The following DPH6 variants were observed in gnomAD, a reference collection of about 807,000 sequenced individuals.
DPH6 encodes diphthine--ammonia ligase.
DPH6 carries 33 observed loss-of-function variants against 38.2 expected under a neutral mutation model. The ratio of observed to expected loss-of-function variants is 0.86; its 90% confidence interval spans 0.65 to 1.15. The LOEUF (loss-of-function observed/expected upper bound fraction) is 1.15, where lower values mean the gene tolerates loss of function less well. Ranked by LOEUF, DPH6 falls within the 50% of genes most tolerant of loss-of-function variation. DPH6 has a pLI of 0.00. For synonymous variants in DPH6, 108 were observed against 103.0 expected (o/e 1.05, Z -0.30); for missense variants, 325 against 320.0 (o/e 1.02, Z -0.12).
rs1595396417 is a variant in DPH6 at position 35,475,224 on chromosome 15, T to C, written c.313-20404A>G. Among the ~76,000 whole-genome samples the C allele has an allele frequency of 2.0e-5, 3 of 152,222 alleles. No homozygotes were observed. The East Asian group carries it at 5.8e-4, about 29-fold the overall frequency. ...GATGGTCTTTTATAGGTCTTACTTATTTCCATGTATTAAACTGCATGTATA... is the reference window on the plus strand; with the variant it reads ...GATGGTCTTTTATAGGTCTTACTTACTTCCATGTATTAAACTGCATGTATA... On this transcript the variant is annotated intron_variant, in intron 3 of 8. Coordinates refer to ENST00000256538, the MANE Select transcript of DPH6 (RefSeq NM_080650.4).
At position 35,242,381 on chromosome 15, in the gene DPH6, T is replaced by C. The variant is rs1243674785; in HGVS notation, n.201-21799A>G. 1.4e-5 allele frequency among the ~76,000 whole-genome samples: 2 copies of C among 142,560 alleles called. 1 individual carries two copies. The highest frequency in any genetic ancestry group is 5.1e-5 in the African/African-American group (2 of 38,980). The allele number at this position is 142,560 out of a possible 152,430, so 93.5% of individuals were successfully genotyped here. The stretch of plus-strand genomic sequence containing the variant: ...CCTATAGCCTTTCTGTCCAAACAAC[T>C]TGACCTTACTGTTTTAGCCTAGCCC... On this transcript the variant is annotated intron_variant and non_coding_transcript_variant, in intron 3 of 3. Coordinates refer to the DPH6 transcript ENST00000560386.
the DPH6 span, among the ~76,000 whole-genome samples, chr15:35,168,960 A>G: frequency 3.3e-5 from 5 of 152,086 alleles, no homozygotes; most frequent in African/African-American, 4.8e-5. Context: ...GTATTGTTTC[A>G]GGCTAAGTGC....
At chr15:35,373,670 C>G in intron 7 of DPH6, 62 bp from the exon 8 acceptor site, 1 of 1,351,788 alleles carries the variant, frequency 7.4e-7, no homozygotes, top group Non-Finnish European at 1.0e-6. Flanking sequence ...AATCATTCCT[C>G]CTACTGACTA....
chr15:35,286,713 T>C (rs1284789788), intron 3 of DPH6, among the ~76,000 whole-genome samples: 1 of 152,214 alleles, frequency 6.6e-6, no homozygotes, highest in Non-Finnish European at 1.5e-5. Context: ...ATTTAAATCC[T>C]TAGTTTATTA....
At chr15:35,213,868 T>C (rs995179713), downstream of DPH6, among the ~76,000 whole-genome samples, 2 of 152,148 alleles carry the variant, frequency 1.3e-5, no homozygotes, top group African/African-American at 4.8e-5. Flanking sequence ...ATCCCAGCAC[T>C]TTGGGAGGCC....
At chr15:35,382,450 A>AACACACACACACAC (rs56269036) in intron 6 of DPH6, among the ~76,000 whole-genome samples, 8 of 150,238 alleles carry the variant, frequency 5.3e-5, no homozygotes, top group African/African-American at 2.0e-4. Context: ...CGAAAAACAA[A>AACACACACACACAC]ACACACACAC....
At chr15:35,386,247 T>C (rs562824102) in intron 6 of DPH6, among the ~76,000 whole-genome samples, 1 of 152,366 alleles carries the variant, frequency 6.6e-6, no homozygotes, top group African/African-American at 2.4e-5. Context: ...CAGTCTACCA[T>C]TGTTGGAAAT....
chr15:35,152,049 A>G, the DPH6 span, among the ~76,000 whole-genome samples: 1 of 152,246 alleles, frequency 6.6e-6, no homozygotes, highest in Non-Finnish European at 1.5e-5. Context: ...TCTTAAGTGT[A>G]CATATAGCTC....
intron 5 of DPH6, among the ~76,000 whole-genome samples, chr15:35,442,930 T>G (rs1727473791): frequency 6.6e-6 from 1 of 152,162 alleles, no homozygotes; most frequent in Non-Finnish European, 1.5e-5. Flanking sequence ...GATTCCTTTT[T>G]GGGGAACACA....
At chr15:35,260,148 G>A (rs1595450482) in intron 3 of DPH6, among the ~76,000 whole-genome samples, 2 of 151,640 alleles carry the variant, frequency 1.3e-5, no homozygotes, top group South Asian at 2.1e-4. Context: ...TTGCTCTGTC[G>A]CCCAGGCTGG....
At chr15:35,440,003 A>C (rs75218898) in intron 5 of DPH6, among the ~76,000 whole-genome samples, 2,841 of 152,348 alleles carry the variant, frequency 0.019, 30 homozygotes, top group Non-Finnish European at 0.029. Flanking sequence ...CAAAACTTAC[A>C]TATTTATCAT....
chr15:35,521,518 A>G, intron 3 of DPH6: 1 of 1,220,326 alleles, frequency 8.2e-7, no homozygotes, highest in Non-Finnish European at 1.0e-6. Context: ...TAGGACTATG[A>G]AGAGTTGTGT....
chr15:35,354,001 T>C (rs1043789895), intron 3 of DPH6, among the ~76,000 whole-genome samples: 15 of 152,212 alleles, frequency 9.9e-5, no homozygotes, highest in African/African-American at 1.7e-4. Flanking sequence ...TTCACATCCC[T>C]TATAAGTTGG....
intron 3 of DPH6, among the ~76,000 whole-genome samples, chr15:35,302,925 C>A (rs1387293398): frequency 1.3e-5 from 2 of 151,772 alleles, no homozygotes; most frequent in African/African-American, 4.8e-5. Context: ...AAGCTATATA[C>A]TTATAATGGT....
At chr15:35,448,635 T>C (rs773897486) in intron 5 of DPH6, among the ~76,000 whole-genome samples, 4 of 152,176 alleles carry the variant, frequency 2.6e-5, no homozygotes, top group African/African-American at 4.8e-5. Context: ...ATACTACCTA[T>C]ATGTCATCAA....
the DPH6 span, among the ~76,000 whole-genome samples, chr15:35,146,044 G>A: frequency 1.3e-5 from 2 of 151,096 alleles, no homozygotes; most frequent in Non-Finnish European, 2.9e-5. Context: ...ATAAAGGTTA[G>A]ATAAATGTAA....
At chr15:35,414,490 C>T (rs909805961) in intron 5 of DPH6, among the ~76,000 whole-genome samples, 18 of 151,734 alleles carry the variant, frequency 1.2e-4, no homozygotes, top group African/African-American at 4.1e-4. Flanking sequence ...TTAATTAGTA[C>T]TGGACAGCAC....
intron 3 of DPH6, among the ~76,000 whole-genome samples, chr15:35,253,651 T>C (rs770071491): frequency 2.6e-5 from 4 of 152,222 alleles, no homozygotes; most frequent in Non-Finnish European, 5.9e-5. Flanking sequence ...CTCCCATCAC[T>C]CTATGCCTTA....
At chr15:35,212,916 A>T (rs1388671355), downstream of DPH6, among the ~76,000 whole-genome samples, 1 of 152,262 alleles carries the variant, frequency 6.6e-6, no homozygotes, top group Admixed American at 6.5e-5. Context: ...AAAGAGAAGA[A>T]GATTATTCAA....
Sources: allele counts gnomAD v4.1 joint callset (sites outside exome capture counted in the v4.1 genomes callset), GRCh38; gene constraint gnomAD v4.1.1; transcripts MANE v1.5; gene names NCBI Gene and HGNC (gene_info 2026-07-23, HGNC 2026-07-21).